HDAC9: variants seen among roughly 807,000 people sequenced by gnomAD.
HDAC9 encodes the protein histone deacetylase 9, also known as MEF-2 interacting transcription repressor (MITR) protein.
In HDAC9, 41 loss-of-function variants were observed where a neutral mutation model predicts 139.4. That is an observed-to-expected ratio of 0.29 (90% CI 0.23 to 0.38). The LOEUF is 0.38. HDAC9 is among the 10% of genes least tolerant of loss of function. The pLI is 1.00. For missense variants in HDAC9, 1,147 were observed against 1,297.0 expected (o/e 0.88, Z 1.78); for synonymous variants, 517 against 476.2 (o/e 1.09, Z -1.12).
chr7:18,884,169 A>G (rs543052636), intron 22 of HDAC9, among the ~76,000 whole-genome samples: 1 of 152,296 alleles, frequency 6.6e-6, no homozygotes, highest in South Asian at 2.1e-4. Context: ...ATTCCCAATG[A>G]CATTTTTCAC....
chr7:18,465,918 A>G (rs569687905), intron 1 of HDAC9, among the ~76,000 whole-genome samples: 1 of 152,342 alleles, frequency 6.6e-6, no homozygotes, highest in South Asian at 2.1e-4. Flanking sequence ...AGGAACTAAC[A>G]TAAATTTAGC....
intron 6 of HDAC9, among the ~76,000 whole-genome samples, chr7:18,595,281 G>A (rs1188453793): frequency 6.6e-6 from 1 of 152,022 alleles, no homozygotes; most frequent in Admixed American, 6.6e-5. Context: ...AGAAGGCTAT[G>A]CAAAGGCAAG....
chr7:18,715,422 AC>A (rs1159069296), intron 12 of HDAC9, among the ~76,000 whole-genome samples: 4 of 152,118 alleles, frequency 2.6e-5, no homozygotes, highest in Non-Finnish European at 4.4e-5. Context: ...CTTTACTTTG[AC>A]CCATGCATGC....
Position 18,732,872 on chromosome 7 carries a change from C to T in HDAC9, c.1909+5115C>T, listed in dbSNP as rs1459240735. On this transcript the variant is annotated intron_variant, in intron 13 of 25. Coordinates refer to ENST00000686413, the MANE Select transcript of HDAC9 (RefSeq NM_178425.4). ...GTGTGTATGTGTGCGTATGTGTACACACACACGTGTGCGTATGTGTACACA... is the reference window on the plus strand; with the variant it reads ...GTGTGTATGTGTGCGTATGTGTACATACACACGTGTGCGTATGTGTACACA... 1.4e-4 allele frequency among the ~76,000 whole-genome samples: 12 copies of T among 85,580 alleles called. 1 individual carries two copies. The highest frequency in any genetic ancestry group is 2.1e-4 in the Admixed American group (2 of 9,686). The allele number at this position is 85,580 out of a possible 152,430, so 56.1% of individuals were successfully genotyped here. A position where few individuals can be genotyped will look rare whatever the true frequency, so the allele number is the denominator to read the frequency against.
At chr7:18,622,468 A>T (rs1223848077) in intron 6 of HDAC9, among the ~76,000 whole-genome samples, 2 of 151,942 alleles carry the variant, frequency 1.3e-5, no homozygotes, top group African/African-American at 4.8e-5. Flanking sequence ...GATTACAGGG[A>T]CGTGCCACCA....
intron 21 of HDAC9, among the ~76,000 whole-genome samples, chr7:18,859,501 C>T (rs1396276058): frequency 1.3e-5 from 2 of 150,908 alleles, no homozygotes; most frequent in East Asian, 3.9e-4. Flanking sequence ...AAATGTGTTA[C>T]TAAATGAGCT....
chr7:18,804,020 A>T (rs1293393897), intron 17 of HDAC9, among the ~76,000 whole-genome samples: 1 of 152,218 alleles, frequency 6.6e-6, no homozygotes, highest in Admixed American at 6.5e-5. Context: ...TGATAAAGAG[A>T]TAAACAAATG....
intron 1 of HDAC9, among the ~76,000 whole-genome samples, chr7:18,124,066 G>A (rs1569174): frequency 0.16 from 23,993 of 152,100 alleles, 2,333 homozygotes; most frequent in South Asian, 0.34. Context: ...CTGACTCACA[G>A]CCTGCCCCAA....
chr7:18,456,694 A>C (rs1793384309), intron 1 of HDAC9, among the ~76,000 whole-genome samples: 1 of 152,172 alleles, frequency 6.6e-6, no homozygotes, highest in Non-Finnish European at 1.5e-5. Flanking sequence ...TTTTCTCTAC[A>C]CCACCTCTCT....
chr7:18,148,259 G>A (rs775570128), intron 1 of HDAC9, among the ~76,000 whole-genome samples: 4 of 152,122 alleles, frequency 2.6e-5, no homozygotes, highest in Non-Finnish European at 4.4e-5. Context: ...GCAGGGCTGT[G>A]TTTCTTCTGG....
At chr7:18,316,682 T>A (rs950430970) in intron 1 of HDAC9, among the ~76,000 whole-genome samples, 1 of 148,992 alleles carries the variant, frequency 6.7e-6, no homozygotes, top group Non-Finnish European at 1.5e-5. Flanking sequence ...CACACCCAGC[T>A]ACTCAGGTGG....
chr7:18,561,407 A>G (rs879538909), intron 2 of HDAC9, among the ~76,000 whole-genome samples: 3 of 152,220 alleles, frequency 2.0e-5, no homozygotes, highest in Non-Finnish European at 4.4e-5. Flanking sequence ...AGAGCTCAGT[A>G]TATCTAAACA....
At chr7:18,489,667 C>T (rs1032397372) in intron 1 of HDAC9, among the ~76,000 whole-genome samples, 1 of 152,004 alleles carries the variant, frequency 6.6e-6, no homozygotes, top group Non-Finnish European at 1.5e-5. Context: ...TCAGGGCTTG[C>T]ACTGTGGCTG....
chr7:18,749,740 A>G (rs1788286044), intron 14 of HDAC9, among the ~76,000 whole-genome samples: 1 of 152,202 alleles, frequency 6.6e-6, no homozygotes, highest in Non-Finnish European at 1.5e-5. Context: ...AACAACAGTC[A>G]TATCAATTCA....
At chr7:18,257,740 C>T (rs1340485810) in intron 2 of HDAC9, among the ~76,000 whole-genome samples, 1 of 152,140 alleles carries the variant, frequency 6.6e-6, no homozygotes, top group Non-Finnish European at 1.5e-5. Context: ...AATGAATATC[C>T]TTAAAAACAT....
intron 2 of HDAC9, among the ~76,000 whole-genome samples, chr7:18,551,678 C>A (rs1817187529): frequency 6.6e-6 from 1 of 152,254 alleles, no homozygotes; most frequent in African/African-American, 2.4e-5. Flanking sequence ...TATTTTTATA[C>A]TGGAAAACAG....
chr7:18,991,290 C>G (rs930279663), intron 25 of HDAC9, among the ~76,000 whole-genome samples: 1 of 151,956 alleles, frequency 6.6e-6, no homozygotes, highest in Non-Finnish European at 1.5e-5. Flanking sequence ...TCACAAAATA[C>G]GAACTAATAT....
chr7:18,813,747 G>A (rs565990769), intron 17 of HDAC9, among the ~76,000 whole-genome samples: 128 of 152,262 alleles, frequency 8.4e-4, no homozygotes, highest in African/African-American at 2.8e-3. Flanking sequence ...GCTTAAGTTA[G>A]CCAAATTATG....
At chr7:18,911,152 T>C (rs1157024941) in intron 22 of HDAC9, among the ~76,000 whole-genome samples, 1 of 151,526 alleles carries the variant, frequency 6.6e-6, no homozygotes, top group Admixed American at 6.6e-5. Flanking sequence ...TTCAGGCTTT[T>C]TTTTTTTTTT....
Sources: allele counts gnomAD v4.1 joint callset (sites outside exome capture counted in the v4.1 genomes callset), GRCh38; gene constraint gnomAD v4.1.1; transcripts MANE v1.5; gene names NCBI Gene and HGNC (gene_info 2026-07-23, HGNC 2026-07-21).